PLEKHH2: variants seen among roughly 807,000 people sequenced by gnomAD.
PLEKHH2 encodes pleckstrin homology, MyTH4 and FERM domain containing H2.
PLEKHH2 carries 129 observed loss-of-function variants against 187.9 expected under a neutral mutation model. The ratio of observed to expected loss-of-function variants is 0.69; its 90% CI spans 0.59 to 0.79. The LOEUF is 0.79. PLEKHH2 is among the 30% of genes least tolerant of loss of function. The pLI is 0.00. For missense variants in PLEKHH2, 2,076 were observed against 1,751.2 expected (o/e 1.19, Z -3.31); for synonymous variants, 686 against 605.6 (o/e 1.13, Z -1.95).
At chr2:43,676,653 T>A (rs1667813328) in intron 2 of PLEKHH2, among the ~76,000 whole-genome samples, 1 of 151,956 alleles carries the variant, frequency 6.6e-6, no homozygotes, top group Non-Finnish European at 1.5e-5. Flanking sequence ...AAGAATAAAA[T>A]TGAGTTTTAC....
chr2:43,743,113 A>T (rs10211045), intron 22 of PLEKHH2, among the ~76,000 whole-genome samples, 195 bp downstream of exon 22: 31,030 of 152,094 alleles, frequency 0.2, 3,374 homozygotes, highest in Admixed American at 0.3. Flanking sequence ...ACAAATCCAT[A>T]CTGAACCAAA....
intron 2 of PLEKHH2, among the ~76,000 whole-genome samples, chr2:43,669,749 C>T (rs1479186972): frequency 6.6e-6 from 1 of 152,080 alleles, no homozygotes; most frequent in Non-Finnish European, 1.5e-5. Flanking sequence ...TCTGTTGGCC[C>T]AGGCTAGAGT....
intron 2 of PLEKHH2, among the ~76,000 whole-genome samples, chr2:43,651,277 C>G (rs1056121388): frequency 2.0e-5 from 3 of 151,914 alleles, no homozygotes; most frequent in Admixed American, 6.6e-5. Context: ...CTATCTTGGC[C>G]AAGCTGGTCT....
At chr2:43,647,966 C>G (rs1367929467) in intron 2 of PLEKHH2, among the ~76,000 whole-genome samples, 1 of 152,092 alleles carries the variant, frequency 6.6e-6, no homozygotes, top group Non-Finnish European at 1.5e-5. Flanking sequence ...TAGTTTAAAC[C>G]CCACAGTAAC....
chr2:43,701,466 TGGGAAAGAAGGG>T (rs1669358673), intron 8 of PLEKHH2, among the ~76,000 whole-genome samples: 1 of 152,146 alleles, frequency 6.6e-6, no homozygotes, highest in Non-Finnish European at 1.5e-5. Context: ...ACATTGGAGG[TGGGAAAGAAGGG>T]TTCCCCCTAA....
chr2:43,712,158 C>A, intron 14 of PLEKHH2, 67 bp from the exon 15 acceptor site: 12 of 1,545,146 alleles, frequency 7.8e-6, no homozygotes, highest in Non-Finnish European at 1.1e-5. Flanking sequence ...GAATAATGAA[C>A]AAGGAAATGC....
Position 43,699,903 on chromosome 2 carries a change from C to T in PLEKHH2, c.945C>T (p.Val315=). Residue 315 remains valine (V), a synonymous_variant, in exon 8 of 30, where the codon GTC becomes GTT. Transcript: ENST00000282406. ...TLSSHTSEEG[V]QCSRMGSEMY... is the part of the protein sequence containing the mutation. The stretch of plus-strand genomic sequence containing the variant: ...CCAGTCACACATCTGAGGAAGGGGT[C>T]CAGTGTAGCAGGATGGGAAGTGAAA... 1 of 1,614,052 alleles carries T rather than the reference C, an allele frequency of 6.2e-7. No individual in the cohort carries two copies. Among genetic ancestry groups the T allele is most frequent in the Non-Finnish European group, 8.5e-7 (1 of 1,180,000 alleles).
rs551849106 is a variant in PLEKHH2, at chr2:43,701,523, CTT to C, written c.1650+916_1650+917del. 1.3e-3 allele frequency among the ~76,000 whole-genome samples: 196 copies of C among 152,302 alleles called. 1 individual carries two copies. Among genetic ancestry groups the C allele is most frequent in the African/African-American group, 2.8e-3 (117 of 41,572 alleles). ...TTTGGGTGAATTCTGAACCGGGACACTTAACTCTTGTTAGTTATAAGTTTTTG... is the reference window on the plus strand; with the variant it reads ...TTTGGGTGAATTCTGAACCGGGACACAACTCTTGTTAGTTATAAGTTTTTG... On this transcript the variant is annotated intron_variant, in intron 8 of 29. Coordinates refer to ENST00000282406, the MANE Select transcript of PLEKHH2 (RefSeq NM_172069.4).
At chr2:43,717,172 C>T (rs1670254112) in intron 15 of PLEKHH2, among the ~76,000 whole-genome samples, 1 of 152,168 alleles carries the variant, frequency 6.6e-6, no homozygotes, top group Admixed American at 6.5e-5. Flanking sequence ...AATCCCAGCA[C>T]TTTGGGAGGC....
intron 2 of PLEKHH2, among the ~76,000 whole-genome samples, chr2:43,663,981 T>C (rs1395882893): frequency 8.5e-6 from 1 of 117,420 alleles, no homozygotes; most frequent in Non-Finnish European, 1.8e-5. Flanking sequence ...TGTAGATGTC[T>C]ATTAGGTCCG....
intron 2 of PLEKHH2, chr2:43,676,302 T>C (rs745652895): frequency 3.6e-5 from 58 of 1,610,652 alleles, no homozygotes; most frequent in Admixed American, 5.0e-5. Flanking sequence ...TAAAAAATGA[T>C]GTCCCACTAG....
intron 2 of PLEKHH2, among the ~76,000 whole-genome samples, chr2:43,646,689 T>C (rs1486502018): frequency 6.6e-6 from 1 of 152,140 alleles, no homozygotes; most frequent in African/African-American, 2.4e-5. Context: ...ATAAGTAAAA[T>C]AGCTTTTTTA....
intron 29 of PLEKHH2, 141 bp from the exon 30 acceptor site, chr2:43,765,272 T>C: frequency 1.4e-6 from 1 of 712,604 alleles, no homozygotes; most frequent in Non-Finnish European, 2.3e-6. Context: ...TGTAAGCACT[T>C]CATTGTTTGA....
At chr2:43,648,493 C>T (rs1038983024) in intron 2 of PLEKHH2, among the ~76,000 whole-genome samples, 2 of 146,620 alleles carry the variant, frequency 1.4e-5, no homozygotes, top group Non-Finnish European at 3.0e-5. Context: ...AGCTTTTTTT[C>T]CTGTGTCTTT....
intron 4 of PLEKHH2, among the ~76,000 whole-genome samples, chr2:43,694,189 A>G (rs1389508819): frequency 2.6e-5 from 4 of 152,230 alleles, no homozygotes; most frequent in African/African-American, 9.6e-5. Context: ...ACTTCAGTGT[A>G]TGATCTTTCA....
chr2:43,709,483 G>A (rs1023539944), intron 11 of PLEKHH2, among the ~76,000 whole-genome samples: 1 of 152,134 alleles, frequency 6.6e-6, no homozygotes, highest in African/African-American at 2.4e-5. Flanking sequence ...TAAAATAGCT[G>A]TGTGATTGTA....
intron 2 of PLEKHH2, among the ~76,000 whole-genome samples, chr2:43,653,374 T>A (rs1666584145): frequency 6.6e-6 from 1 of 152,130 alleles, no homozygotes; most frequent in African/African-American, 2.4e-5. Context: ...AATTAGAGGA[T>A]AATGAAAAAA....
chr2:43,649,199 T>C (rs184774233), intron 2 of PLEKHH2, among the ~76,000 whole-genome samples: 2 of 152,322 alleles, frequency 1.3e-5, no homozygotes, highest in Non-Finnish European at 2.9e-5. Flanking sequence ...ATATCCCTAG[T>C]ATGCCAAATA....
chr2:43,762,589 G>A (rs1447979480), intron 28 of PLEKHH2, among the ~76,000 whole-genome samples, 199 bp downstream of exon 28: 5 of 152,134 alleles, frequency 3.3e-5, no homozygotes, highest in Non-Finnish European at 4.4e-5. Context: ...AAGACAGGTC[G>A]TTTATTGTGT....
Sources: allele counts gnomAD v4.1 joint callset (sites outside exome capture counted in the v4.1 genomes callset), GRCh38; gene constraint gnomAD v4.1.1; transcripts MANE v1.5; gene names NCBI Gene and HGNC (gene_info 2026-07-23, HGNC 2026-07-21).